TFEC: variants seen among roughly 807,000 people sequenced by gnomAD.
TFEC encodes class E basic helix-loop-helix protein 34.
A neutral mutation model predicts 41.6 loss-of-function variants in TFEC; 31 were observed. That is an observed-to-expected ratio of 0.74 (90% CI 0.56 to 1.01). The LOEUF is 1.01. Ranked by LOEUF, TFEC falls within the 50% of genes least tolerant of loss-of-function variation. The pLI, the probability that TFEC is intolerant of heterozygous loss-of-function variation, is 0.00. For synonymous variants in TFEC, 143 were observed against 140.6 expected (o/e 1.02, Z -0.12); for missense variants, 402 against 404.1 (o/e 0.99, Z 0.04).
chr7:116,135,741 T>G (rs1798420196), intron 1 of TFEC, among the ~76,000 whole-genome samples: 1 of 152,116 alleles, frequency 6.6e-6, no homozygotes, highest in South Asian at 2.1e-4. Context: ...TTAAAAATCT[T>G]CAGTGTTTTT....
At position 116,075,733 on chromosome 7, in the gene TFEC, GGA is replaced by G. The variant is rs140211121; in HGVS notation, c.198+34973_198+34974del. Reference sequence around the variant, plus strand: ...CCCCACAGCAGCAAGCCCCAACCAAGGAGAGTCTGAGCTCAGACACACCTATA... The same window carrying G: ...CCCCACAGCAGCAAGCCCCAACCAAGGAGTCTGAGCTCAGACACACCTATA... On this transcript the variant is annotated intron_variant, in intron 3 of 8. Transcript: ENST00000484212. 4.4e-3 allele frequency among the ~76,000 whole-genome samples: 669 copies of G among 152,214 alleles called. 19 individuals carry two copies. The East Asian group carries it at 0.085, about 19-fold the overall frequency.
chr7:115,954,027 C>T (rs1423461771), intron 5 of TFEC, among the ~76,000 whole-genome samples: 1 of 152,036 alleles, frequency 6.6e-6, no homozygotes, highest in African/African-American at 2.4e-5. Flanking sequence ...AGCTCAGCCT[C>T]GCTGCCAATC....
At chr7:116,070,499 CCAAA>C (rs1796802294) in intron 3 of TFEC, among the ~76,000 whole-genome samples, 1 of 151,316 alleles carries the variant, frequency 6.6e-6, no homozygotes, top group Non-Finnish European at 1.5e-5. Flanking sequence ...TATTTTGGTA[CCAAA>C]CAATCTAATA....
intron 1 of TFEC, among the ~76,000 whole-genome samples, chr7:116,159,369 T>G (rs1353003359): frequency 6.6e-6 from 1 of 152,000 alleles, no homozygotes; most frequent in Non-Finnish European, 1.5e-5. Context: ...TAATAAATTC[T>G]ACATTATATA....
At chr7:116,100,996 CTATTAGT>C (rs1448787727) in intron 3 of TFEC, among the ~76,000 whole-genome samples, 1 of 151,964 alleles carries the variant, frequency 6.6e-6, no homozygotes, top group Non-Finnish European at 1.5e-5. Context: ...GATTTTCCAG[CTATTAGT>C]TATTTAGAAG....
Position 115,940,135 on chromosome 7 carries a change from G to A in TFEC, c.*416C>T, listed in dbSNP as rs528157348. On this transcript the variant is annotated 3_prime_UTR_variant, in exon 8 of 8. Transcript: ENST00000265440. Reference sequence around the variant, plus strand: ...TGATATGTTGATCTTGATTCCGGAAGACTGATGTGAAAGTTGAAGAGAAGA... The same window carrying A: ...TGATATGTTGATCTTGATTCCGGAAAACTGATGTGAAAGTTGAAGAGAAGA... 1 of 155,430 alleles carries A rather than the reference G, an allele frequency of 6.4e-6. No individual in the cohort carries two copies. The highest frequency in any genetic ancestry group is 2.0e-4 in the South Asian group (1 of 5,030). 9.6% of individuals were successfully genotyped at this position (155,430 alleles called of 1,614,324 possible).
intron 1 of TFEC, among the ~76,000 whole-genome samples, chr7:115,985,242 T>C (rs922697133): frequency 5.3e-5 from 8 of 152,136 alleles, no homozygotes; most frequent in African/African-American, 1.9e-4. Flanking sequence ...AAAATCCCTT[T>C]TTCAAAATAT....
At chr7:115,974,909 G>A (rs577018638) in intron 2 of TFEC, among the ~76,000 whole-genome samples, 2 of 152,028 alleles carry the variant, frequency 1.3e-5, no homozygotes, top group African/African-American at 4.8e-5. Context: ...GTGCATGAGA[G>A]GTACCAGGCA....
intron 3 of TFEC, among the ~76,000 whole-genome samples, chr7:115,959,563 A>G (rs557731951): frequency 6.6e-6 from 1 of 151,774 alleles, no homozygotes; most frequent in Non-Finnish European, 1.5e-5. Flanking sequence ...CTATTTCAAA[A>G]GTAAGGCAAC....
intron 3 of TFEC, among the ~76,000 whole-genome samples, chr7:116,094,734 CAG>C (rs1256598263): frequency 1.3e-5 from 2 of 151,984 alleles, no homozygotes; most frequent in Non-Finnish European, 2.9e-5. Context: ...ACAAAAAAAA[CAG>C]AGTACATTGA....
At chr7:115,949,989 T>G (rs944651417) in intron 6 of TFEC, among the ~76,000 whole-genome samples, 1 of 150,652 alleles carries the variant, frequency 6.6e-6, no homozygotes, top group African/African-American at 2.4e-5. Flanking sequence ...CAAATCATTA[T>G]TAATGCTACA....
chr7:115,983,710 T>C (rs975888559), intron 2 of TFEC, among the ~76,000 whole-genome samples: 11 of 152,180 alleles, frequency 7.2e-5, no homozygotes. Context: ...TTATTTTGTA[T>C]GATCAGCACC....
intron 3 of TFEC, among the ~76,000 whole-genome samples, chr7:116,100,934 G>A (rs964193536): frequency 2.6e-5 from 4 of 152,012 alleles, no homozygotes; most frequent in African/African-American, 9.7e-5. Context: ...ATGGGAGGAC[G>A]GAAGCAAATG....
At chr7:116,028,443 G>A (rs139403195) in intron 1 of TFEC, among the ~76,000 whole-genome samples, 17 of 152,158 alleles carry the variant, frequency 1.1e-4, no homozygotes, top group Non-Finnish European at 1.3e-4. Flanking sequence ...CTCTCTCTTC[G>A]TAGGTTATGA....
chr7:116,019,712 C>T (rs1438942821), intron 1 of TFEC, among the ~76,000 whole-genome samples: 1 of 152,086 alleles, frequency 6.6e-6, no homozygotes, highest in Non-Finnish European at 1.5e-5. Flanking sequence ...GTGAAAAGAA[C>T]AAATAAGACA....
intron 3 of TFEC, chr7:115,968,103 A>G: frequency 7.3e-7 from 1 of 1,361,902 alleles, no homozygotes; most frequent in Non-Finnish European, 9.7e-7. Flanking sequence ...TTTATTGACT[A>G]TAAGTTTATA....
At chr7:115,965,546 T>TG (rs1792803732) in intron 3 of TFEC, among the ~76,000 whole-genome samples, 2 of 151,664 alleles carry the variant, frequency 1.3e-5, no homozygotes, top group African/African-American at 4.8e-5. Context: ...TTGAAGTTAC[T>TG]AATGTCTCCA....
intron 1 of TFEC, among the ~76,000 whole-genome samples, chr7:116,155,344 T>C (rs1204908027): frequency 6.6e-6 from 1 of 152,222 alleles, no homozygotes; most frequent in Admixed American, 6.5e-5. Flanking sequence ...ATCACGTTTA[T>C]TTAAGATATC....
chr7:116,001,836 A>G (rs1346410361), intron 1 of TFEC, among the ~76,000 whole-genome samples: 1 of 152,226 alleles, frequency 6.6e-6, no homozygotes, highest in Non-Finnish European at 1.5e-5. Flanking sequence ...ATGGGCAAAT[A>G]GTCCAAATAG....
Sources: allele counts gnomAD v4.1 joint callset (sites outside exome capture counted in the v4.1 genomes callset), GRCh38; gene constraint gnomAD v4.1.1; transcripts MANE v1.5; gene names NCBI Gene and HGNC (gene_info 2026-07-23, HGNC 2026-07-21).